Variants in KCNH1 observed in about 807,000 individuals in gnomAD.
KCNH1 encodes potassium voltage-gated channel subfamily H member 1.
A neutral mutation model predicts 69.2 loss-of-function variants in KCNH1; 27 were observed. The observed-to-expected ratio is 0.39, with a 90% CI of 0.29 to 0.54. KCNH1 has a LOEUF of 0.54. KCNH1 is among the 20% of genes least tolerant of loss of function. KCNH1 has a pLI of 0.68. For synonymous variants in KCNH1, 456 were observed against 487.7 expected (o/e 0.93, Z 0.86); for missense variants, 798 against 1,261.6 (o/e 0.63, Z 5.57).
intron 7 of KCNH1, among the ~76,000 whole-genome samples, chr1:210,880,102 T>G (rs1034042396): frequency 6.6e-6 from 1 of 152,050 alleles, no homozygotes; most frequent in African/African-American, 2.4e-5. Flanking sequence ...AGAAAATAAA[T>G]AGAGAGGCAG....
In KCNH1 at chr1:210,983,590, A is replaced by G. The variant is rs145501220; in HGVS notation, c.1032+35193T>C. On this transcript the variant is annotated intron_variant, in intron 6 of 10. Coordinates refer to ENST00000271751, the MANE Select transcript of KCNH1 (RefSeq NM_172362.3). ...AAAGATCAGATAGTTGCAGACATGC[A>G]GCATTATTTCTGAGGGCTCTGTTCT... Among the ~76,000 whole-genome samples the G allele has an allele frequency of 6.8e-4, 103 of 152,204 alleles. 1 individual carries two copies. In the East Asian group the frequency reaches 0.019, roughly 29 times the overall value.
chr1:210,897,087 G>A (rs964005776), intron 7 of KCNH1, among the ~76,000 whole-genome samples: 1 of 152,224 alleles, frequency 6.6e-6, no homozygotes, highest in African/African-American at 2.4e-5. Flanking sequence ...AATGGGATCA[G>A]TAGTGAGCTC....
rs188950941 is a variant in KCNH1, at chr1:211,005,949, G to A, written c.1032+12834C>T. On this transcript the variant is annotated intron_variant, in intron 6 of 10. Coordinates refer to ENST00000271751, the MANE Select transcript of KCNH1 (RefSeq NM_172362.3). ...GAGACCGCACAAGCACTTCATAAAA[G>A]AGAGTAACCAAAGATGCTCACTCCC... 5.1e-3 allele frequency among the ~76,000 whole-genome samples: 778 copies of A among 152,206 alleles called. 11 individuals are homozygous for A. Among genetic ancestry groups the A allele is most frequent in the African/African-American group, 0.018 (739 of 41,556 alleles).
intron 3 of KCNH1, among the ~76,000 whole-genome samples, chr1:211,099,831 G>A (rs1194749525): frequency 6.6e-6 from 1 of 152,070 alleles, no homozygotes; most frequent in Non-Finnish European, 1.5e-5. Flanking sequence ...CAAACTAAGG[G>A]AGGAGCCCAT....
chr1:210,991,947 G>A (rs1688946550), intron 6 of KCNH1, among the ~76,000 whole-genome samples: 2 of 152,102 alleles, frequency 1.3e-5, no homozygotes, highest in Admixed American at 1.3e-4. Context: ...ATCATCAAGA[G>A]GCTCAAGCTC....
In KCNH1 at chr1:210,904,335, C is replaced by T. The variant is rs115157494; in HGVS notation, c.1462+15305G>A. Reference sequence around the variant, plus strand: ...GAACATCCTTCTTGGGCTCTGTCCCCACTGACCCCAAGAGCCTTCCCCCAT... The same window carrying T: ...GAACATCCTTCTTGGGCTCTGTCCCTACTGACCCCAAGAGCCTTCCCCCAT... On this transcript the variant is annotated intron_variant, in intron 7 of 10. Coordinates refer to ENST00000271751, the MANE Select transcript of KCNH1 (RefSeq NM_172362.3). Among the ~76,000 whole-genome samples, 1,462 of 152,250 alleles carry T rather than the reference C, an allele frequency of 9.6e-3. 29 individuals carry two copies. Among genetic ancestry groups the T allele is most frequent in the African/African-American group, 0.032 (1,317 of 41,542 alleles).
At chr1:211,126,311 C>T (rs1391915271) in intron 1 of KCNH1, among the ~76,000 whole-genome samples, 1 of 152,146 alleles carries the variant, frequency 6.6e-6, no homozygotes, top group African/African-American at 2.4e-5. Flanking sequence ...GAGATCAAGA[C>T]CATCCTGGCT....
chr1:210,705,514 A>G (rs1574194577), intron 10 of KCNH1, among the ~76,000 whole-genome samples: 1 of 152,206 alleles, frequency 6.6e-6, no homozygotes, highest in African/African-American at 2.4e-5. Flanking sequence ...TTCTGGTCCC[A>G]TTGAAGCCAG....
At chr1:211,111,346 C>CG (rs1558608930) in intron 1 of KCNH1, among the ~76,000 whole-genome samples, 2 of 146,522 alleles carry the variant, frequency 1.4e-5, no homozygotes, top group South Asian at 2.2e-4. Context: ...CCCGGCCCCC[C>CG]CACCGTCTGG....
chr1:210,805,907 C>T (rs546196191), intron 7 of KCNH1, among the ~76,000 whole-genome samples: 1 of 152,314 alleles, frequency 6.6e-6, no homozygotes, highest in South Asian at 2.1e-4. Context: ...TAGCATGTAT[C>T]AGTACTTCAT....
chr1:210,900,604 T>C (rs1686974639), intron 7 of KCNH1, among the ~76,000 whole-genome samples: 2 of 152,148 alleles, frequency 1.3e-5, no homozygotes, highest in South Asian at 2.1e-4. Flanking sequence ...GTAGTGCAGA[T>C]GCAGATTCAG....
intron 7 of KCNH1, among the ~76,000 whole-genome samples, chr1:210,895,065 T>C (rs1686834508): frequency 6.6e-6 from 1 of 152,182 alleles, no homozygotes; most frequent in Non-Finnish European, 1.5e-5. Context: ...ATTTATTTCC[T>C]GCATCTTAGG....
intron 10 of KCNH1, among the ~76,000 whole-genome samples, chr1:210,741,999 T>C (rs1683043871): frequency 6.6e-6 from 1 of 152,154 alleles, no homozygotes; most frequent in Non-Finnish European, 1.5e-5. Context: ...AGTGCTCTCA[T>C]AACTATTGGA....
intron 2 of KCNH1, among the ~76,000 whole-genome samples, chr1:211,106,789 C>T (rs1166649372): frequency 6.6e-6 from 1 of 152,096 alleles, no homozygotes; most frequent in Non-Finnish European, 1.5e-5. Context: ...AGCAAGACGC[C>T]ATCTCAAAAC....
chr1:210,866,601 C>T (rs1195575702), intron 7 of KCNH1, among the ~76,000 whole-genome samples: 2 of 151,926 alleles, frequency 1.3e-5, no homozygotes, highest in Non-Finnish European at 2.9e-5. Flanking sequence ...ATAATCAAAA[C>T]GACAAGTGTT....
At chr1:211,047,837 A>T (rs1690119743) in intron 5 of KCNH1, among the ~76,000 whole-genome samples, 2 of 152,158 alleles carry the variant, frequency 1.3e-5, no homozygotes, top group African/African-American at 4.8e-5. Context: ...TCCAGAATCT[A>T]CAAGGAACTC....
intron 5 of KCNH1, among the ~76,000 whole-genome samples, chr1:211,048,551 G>T (rs1240655026): frequency 6.6e-6 from 1 of 152,112 alleles, no homozygotes; most frequent in Non-Finnish European, 1.5e-5. Context: ...GCAGCAACCT[G>T]GATGGAGTTG....
intron 6 of KCNH1, among the ~76,000 whole-genome samples, chr1:211,011,655 C>T (rs1407440751): frequency 6.6e-6 from 1 of 152,114 alleles, no homozygotes; most frequent in African/African-American, 2.4e-5. Context: ...CACGGTTAAT[C>T]ACTGCTTCCT....
intron 10 of KCNH1, among the ~76,000 whole-genome samples, chr1:210,697,866 T>G (rs1416584556): frequency 1.3e-5 from 2 of 152,256 alleles, no homozygotes; most frequent in African/African-American, 2.4e-5. Flanking sequence ...TCCACATCAA[T>G]GCATCTGGGA....
Sources: allele counts gnomAD v4.1 joint callset (sites outside exome capture counted in the v4.1 genomes callset), GRCh38; gene constraint gnomAD v4.1.1; transcripts MANE v1.5; gene names NCBI Gene and HGNC (gene_info 2026-07-23, HGNC 2026-07-21).